The following PTPRT variants were observed in gnomAD, a reference collection of about 807,000 sequenced individuals.
PTPRT encodes receptor-type tyrosine-protein phosphatase T.
PTPRT carries 56 observed loss-of-function variants against 176.8 expected under a neutral mutation model. That is an observed-to-expected ratio of 0.32 (90% CI 0.26 to 0.40). PTPRT has a LOEUF of 0.40. Among genes scored for constraint, PTPRT ranks in the 10% least tolerant of loss-of-function variants. The pLI is 1.00. For synonymous variants in PTPRT, 783 were observed against 739.0 expected (o/e 1.06, Z -0.96); for missense variants, 1,540 against 1,908.2 (o/e 0.81, Z 3.60).
intron 7 of PTPRT, among the ~76,000 whole-genome samples, chr20:42,673,363 C>G (rs915851106): frequency 1.3e-5 from 2 of 152,208 alleles, no homozygotes; most frequent in African/African-American, 4.8e-5. Context: ...GGAATCCTTA[C>G]AGCAAATTTC....
intron 8 of PTPRT, among the ~76,000 whole-genome samples, chr20:42,449,556 A>G (rs2145856381): frequency 6.6e-6 from 1 of 152,320 alleles, no homozygotes; most frequent in Non-Finnish European, 1.5e-5. Flanking sequence ...AAGCCATAAA[A>G]CACCTCTGCC....
chr20:43,106,673 A>G (rs2012622328), intron 1 of PTPRT, among the ~76,000 whole-genome samples: 1 of 150,968 alleles, frequency 6.6e-6, no homozygotes, highest in African/African-American at 2.4e-5. Flanking sequence ...AAAGAAAAAA[A>G]AAAAAAAAAA....
intron 15 of PTPRT, among the ~76,000 whole-genome samples, chr20:42,228,546 T>C (rs1300971498): frequency 1.3e-5 from 2 of 152,236 alleles, no homozygotes; most frequent in African/African-American, 2.4e-5. Context: ...CAAGTACCAA[T>C]GCAACATTTC....
intron 9 of PTPRT, among the ~76,000 whole-genome samples, chr20:42,430,256 C>T (rs1414825060): frequency 6.6e-6 from 1 of 152,136 alleles, no homozygotes; most frequent in Non-Finnish European, 1.5e-5. Context: ...GAGCATGGTT[C>T]AGGGAAAGAC....
At chr20:42,469,062 C>G (rs952579291) in intron 8 of PTPRT, among the ~76,000 whole-genome samples, 2 of 152,052 alleles carry the variant, frequency 1.3e-5, no homozygotes, top group African/African-American at 4.8e-5. Flanking sequence ...GATAGATGCT[C>G]CTTTGTGAAT....
At chr20:42,121,230 T>A (rs919794113) in intron 19 of PTPRT, among the ~76,000 whole-genome samples, 14 of 152,210 alleles carry the variant, frequency 9.2e-5, no homozygotes, top group Admixed American at 3.3e-4. Context: ...CACCTTCCAA[T>A]TGCTGGGCCT....
At chr20:43,120,596 G>A (rs774913329) in intron 1 of PTPRT, among the ~76,000 whole-genome samples, 4 of 152,144 alleles carry the variant, frequency 2.6e-5, no homozygotes, top group African/African-American at 4.8e-5. Flanking sequence ...AAAAAACATT[G>A]TTATCTTGGA....
At chr20:42,041,139 A>G in the PTPRT span, among the ~76,000 whole-genome samples, 3 of 152,078 alleles carry the variant, frequency 2.0e-5, no homozygotes, top group Non-Finnish European at 4.4e-5. Context: ...TCCTTCTTTA[A>G]CCAAGGCTCT....
intron 7 of PTPRT, among the ~76,000 whole-genome samples, chr20:42,511,128 G>A (rs1330950111): frequency 6.6e-6 from 1 of 151,978 alleles, no homozygotes; most frequent in Non-Finnish European, 1.5e-5. Context: ...ATGCTGCCTT[G>A]GGACTTCTAA....
intron 2 of PTPRT, among the ~76,000 whole-genome samples, chr20:42,882,444 G>T (rs2079024338): frequency 6.6e-6 from 1 of 152,190 alleles, no homozygotes; most frequent in South Asian, 2.1e-4. Flanking sequence ...TGTCTTTGGG[G>T]AGAGAGAGTA....
At chr20:42,392,408 T>C (rs1450953728) in intron 9 of PTPRT, among the ~76,000 whole-genome samples, 1 of 151,906 alleles carries the variant, frequency 6.6e-6, no homozygotes, top group African/African-American at 2.4e-5. Context: ...GCGTTTGCTT[T>C]ACTAATCTTT....
At chr20:42,876,985 T>G (rs965686893) in intron 2 of PTPRT, among the ~76,000 whole-genome samples, 5 of 152,168 alleles carry the variant, frequency 3.3e-5, no homozygotes, top group Admixed American at 2.0e-4. Flanking sequence ...GCTGTGCTCT[T>G]AGCCTTAGGG....
intron 11 of PTPRT, among the ~76,000 whole-genome samples, chr20:42,326,040 C>T (rs1199154806): frequency 1.3e-5 from 2 of 152,280 alleles, no homozygotes; most frequent in South Asian, 2.1e-4. Context: ...AAATAGCAAC[C>T]GAAATCCACA....
intron 7 of PTPRT, among the ~76,000 whole-genome samples, chr20:42,494,367 A>C (rs541183625): frequency 6.6e-6 from 1 of 152,288 alleles, no homozygotes; most frequent in African/African-American, 2.4e-5. Context: ...AGAATAATGA[A>C]GTAGAGGCTA....
At chr20:42,963,853 C>T (rs370979866) in intron 1 of PTPRT, among the ~76,000 whole-genome samples, 89 of 152,200 alleles carry the variant, frequency 5.8e-4, no homozygotes, top group African/African-American at 2.1e-3. Flanking sequence ...AAGAGTAAAA[C>T]CAAAAGCAGA....
chr20:42,951,260 T>A (rs751179383), intron 1 of PTPRT, among the ~76,000 whole-genome samples: 1 of 151,620 alleles, frequency 6.6e-6, no homozygotes, highest in African/African-American at 2.4e-5. Context: ...GAGGGGTGGA[T>A]GGATGGATGG....
intron 9 of PTPRT, among the ~76,000 whole-genome samples, chr20:42,401,181 A>T (rs1234257456): frequency 2.6e-5 from 4 of 151,176 alleles, no homozygotes; most frequent in Admixed American, 6.6e-5. Context: ...ACCTTTATTT[A>T]AAAAAGTCTC....
At chr20:42,468,667 G>A (rs188686043) in intron 8 of PTPRT, among the ~76,000 whole-genome samples, 255 of 152,232 alleles carry the variant, frequency 1.7e-3, no homozygotes, top group African/African-American at 5.9e-3. Context: ...GTTAAGGAAC[G>A]CCTTAAAGCT....
intron 7 of PTPRT, among the ~76,000 whole-genome samples, chr20:42,633,296 G>A (rs918250129): frequency 6.6e-6 from 1 of 152,112 alleles, no homozygotes; most frequent in Non-Finnish European, 1.5e-5. Flanking sequence ...TATATTTTAT[G>A]TACTGGAATT....
Sources: gnomAD v4.1 joint callset for allele counts (sites outside exome capture counted in the v4.1 genomes callset) on GRCh38, gnomAD v4.1.1 for gene constraint, MANE v1.5 for transcripts, NCBI Gene and HGNC (gene_info 2026-07-23, HGNC 2026-07-21) for gene names.